Variants in MARCHF1 observed in about 807,000 individuals in gnomAD.
MARCHF1 encodes the protein membrane associated ring-CH-type finger 1.
In MARCHF1, 40 loss-of-function variants were observed where a neutral mutation model predicts 54.2. The observed-to-expected ratio is 0.74, with a 90% CI of 0.57 to 0.96. The LOEUF is 0.96. Ranked by LOEUF, MARCHF1 falls within the 40% of genes least tolerant of loss-of-function variation. The probability of loss-of-function intolerance (pLI) is 0.00; values close to 1 mark genes in which losing one functional copy is unlikely to be tolerated. For missense variants in MARCHF1, 586 were observed against 656.5 expected (o/e 0.89, Z 1.17); for synonymous variants, 236 against 236.3 (o/e 1.00, Z 0.01).
At chr4:163,795,990 A>G (rs1249330649) in intron 4 of MARCHF1, among the ~76,000 whole-genome samples, 4 of 152,200 alleles carry the variant, frequency 2.6e-5, no homozygotes, top group Non-Finnish European at 5.9e-5. Flanking sequence ...TTTACTATTC[A>G]TTAAATGGAA....
intron 5 of MARCHF1, among the ~76,000 whole-genome samples, chr4:163,683,904 C>T (rs1365255226): frequency 6.7e-6 from 1 of 148,440 alleles, no homozygotes; most frequent in Non-Finnish European, 1.5e-5. Flanking sequence ...CTCACTCACT[C>T]ACTCACTCAC....
At position 164,162,348 on chromosome 4, in the gene MARCHF1, G is replaced by A. The variant is rs545908797; in HGVS notation, c.-322-50686C>T. 2.6e-5 allele frequency among the ~76,000 whole-genome samples: 4 copies of A among 152,190 alleles called. No individual in the cohort carries two copies. In the East Asian group the frequency reaches 5.8e-4, roughly 22 times the overall value. ...TGGAGACACCAAATATGAAAGGCAG[G>A]TTAAGTGTCATAGAAGATCCAGTGA... On this transcript the variant is annotated intron_variant, in intron 1 of 9. Transcript: ENST00000514618.
intron 4 of MARCHF1, among the ~76,000 whole-genome samples, chr4:163,851,574 G>A (rs1435300995): frequency 6.6e-6 from 1 of 152,178 alleles, no homozygotes; most frequent in African/African-American, 2.4e-5. Context: ...AAGAATTTGA[G>A]TTGTCACTCG....
chr4:164,009,755 A>G (rs1245012884), intron 2 of MARCHF1, among the ~76,000 whole-genome samples: 1 of 152,148 alleles, frequency 6.6e-6, no homozygotes, highest in Non-Finnish European at 1.5e-5. Context: ...CTTAATGGTA[A>G]AGAAAAAAAA....
chr4:164,365,098 C>A (rs1730840305), intron 1 of MARCHF1, among the ~76,000 whole-genome samples: 1 of 151,938 alleles, frequency 6.6e-6, no homozygotes, highest in South Asian at 2.1e-4. Flanking sequence ...CTTCATCATT[C>A]CCTGCCACGA....
At chr4:163,787,331 T>C (rs1747650571) in intron 4 of MARCHF1, among the ~76,000 whole-genome samples, 1 of 151,412 alleles carries the variant, frequency 6.6e-6, no homozygotes, top group African/African-American at 2.4e-5. Context: ...ACACATGACA[T>C]ATAAGGGGTT....
chr4:164,219,873 T>C (rs1732041683), intron 1 of MARCHF1, among the ~76,000 whole-genome samples: 1 of 151,974 alleles, frequency 6.6e-6, no homozygotes, highest in Admixed American at 6.6e-5. Flanking sequence ...AGAACATACA[T>C]GTGTTTGATT....
intron 2 of MARCHF1, among the ~76,000 whole-genome samples, chr4:164,058,974 T>C (rs1754554184): frequency 6.6e-6 from 1 of 152,224 alleles, no homozygotes; most frequent in Non-Finnish European, 1.5e-5. Flanking sequence ...AGTTAAAGTC[T>C]GGCTTGGCAT....
chr4:164,086,745 T>G (rs1755199732), intron 2 of MARCHF1, among the ~76,000 whole-genome samples: 1 of 152,036 alleles, frequency 6.6e-6, no homozygotes, highest in South Asian at 2.1e-4. Context: ...TGTCAGTTAT[T>G]CCGAAGAACT....
chr4:164,240,581 G>A (rs1325930406), intron 1 of MARCHF1, among the ~76,000 whole-genome samples: 1 of 151,830 alleles, frequency 6.6e-6, no homozygotes, highest in South Asian at 2.1e-4. Flanking sequence ...TTGAAAATAA[G>A]TCCTCAGGCA....
chr4:164,283,782 G>A (rs1038937819), intron 1 of MARCHF1, among the ~76,000 whole-genome samples: 13 of 150,892 alleles, frequency 8.6e-5, no homozygotes, highest in Non-Finnish European at 1.5e-4. Context: ...AAAGAAGATG[G>A]AAGAAAATGC....
At chr4:163,906,485 T>A (rs1336951564) in intron 3 of MARCHF1, among the ~76,000 whole-genome samples, 1 of 151,902 alleles carries the variant, frequency 6.6e-6, no homozygotes, top group African/African-American at 2.4e-5. Flanking sequence ...AAATACAAAA[T>A]TTTTTATTTA....
At chr4:164,185,950 G>A (rs1159052561) in intron 1 of MARCHF1, among the ~76,000 whole-genome samples, 1 of 152,172 alleles carries the variant, frequency 6.6e-6, no homozygotes, top group Non-Finnish European at 1.5e-5. Context: ...CTGGAGTGCA[G>A]TGGCGTGACC....
At chr4:163,739,227 T>A (rs983942455) in intron 4 of MARCHF1, among the ~76,000 whole-genome samples, 1 of 152,220 alleles carries the variant, frequency 6.6e-6, no homozygotes, top group Admixed American at 6.5e-5. Context: ...AGGGATTTTA[T>A]ACTCTTCCTC....
chr4:163,990,392 C>G (rs1021259655), intron 2 of MARCHF1, among the ~76,000 whole-genome samples: 1 of 152,000 alleles, frequency 6.6e-6, no homozygotes, highest in Non-Finnish European at 1.5e-5. Context: ...TGATACAAAC[C>G]AATTTTGAGA....
intron 2 of MARCHF1, among the ~76,000 whole-genome samples, chr4:164,026,510 C>CA (rs1045999499): frequency 2.0e-5 from 3 of 151,788 alleles, no homozygotes; most frequent in African/African-American, 4.8e-5. Flanking sequence ...TAGACACACA[C>CA]AAAAAAATAT....
intron 4 of MARCHF1, among the ~76,000 whole-genome samples, chr4:163,801,663 A>AT (rs1267220358): frequency 1.3e-5 from 2 of 151,974 alleles, no homozygotes; most frequent in Admixed American, 6.6e-5. Flanking sequence ...CCCTAATATG[A>AT]TTTTCCCCTT....
intron 5 of MARCHF1, among the ~76,000 whole-genome samples, chr4:163,674,739 C>G (rs1561011818): frequency 6.6e-6 from 1 of 151,996 alleles, no homozygotes; most frequent in Non-Finnish European, 1.5e-5. Flanking sequence ...AATAATTAGA[C>G]TTATAATTTA....
intron 7 of MARCHF1, among the ~76,000 whole-genome samples, chr4:163,597,960 A>G (rs1740828987): frequency 6.6e-6 from 1 of 152,222 alleles, no homozygotes; most frequent in African/African-American, 2.4e-5. Flanking sequence ...CATTGCAAGG[A>G]CAGAAAAGTA....
Sources: gnomAD v4.1 joint callset for allele counts (sites outside exome capture counted in the v4.1 genomes callset) on GRCh38, gnomAD v4.1.1 for gene constraint, MANE v1.5 for transcripts, NCBI Gene and HGNC (gene_info 2026-07-23, HGNC 2026-07-21) for gene names.